The following TMEM9B variants were observed in gnomAD, a reference collection of about 807,000 sequenced individuals.
The protein encoded by TMEM9B is transmembrane protein 9B.
Under a neutral mutation model 23.5 loss-of-function variants are expected in TMEM9B, and 8 were observed. The observed-to-expected ratio is 0.34, with a 90% CI of 0.20 to 0.61. The LOEUF is 0.61. TMEM9B is among the 20% of genes least tolerant of loss of function. The pLI, the probability that TMEM9B is intolerant of heterozygous loss-of-function variation, is 0.78. For missense variants in TMEM9B, 197 were observed against 252.3 expected (o/e 0.78, Z 1.49); for synonymous variants, 106 against 96.3 (o/e 1.10, Z -0.59).
chr11:8,948,242 T>A lies in TMEM9B; in HGVS notation c.*78A>T, dbSNP rs1004874360. 2.7e-5 allele frequency: 40 copies of A among 1,509,090 alleles called. No homozygotes were observed. The highest frequency in any genetic ancestry group is 3.5e-5 in the Non-Finnish European group (39 of 1,122,720). 93.5% of individuals were successfully genotyped at this position (1,509,090 alleles called of 1,614,324 possible). A position where few individuals can be genotyped will look rare whatever the true frequency, so the allele number is the denominator to read the frequency against. ...TGGTGAAATCAACAAGGTATTAAAA[T>A]GAAACCCAGCAAAACCCAGTCAGTT... On this transcript the variant is annotated 3_prime_UTR_variant, in exon 5 of 5. Transcript: ENST00000534025.
chr11:8,964,455 GTCAC>G, upstream of TMEM9B: 1 of 1,422,408 alleles, frequency 7.0e-7, no homozygotes, highest in South Asian at 1.5e-5. Context: ...ACGCGAAGGC[GTCAC>G]CGGGCGCGCC....
At chr11:8,963,739 G>C (rs1295981614) in intron 1 of TMEM9B, among the ~76,000 whole-genome samples, 3 of 152,218 alleles carry the variant, frequency 2.0e-5, no homozygotes, top group African/African-American at 7.2e-5. Flanking sequence ...GAGCTGAGCT[G>C]AGTCGGCCCT....
intron 2 of TMEM9B, among the ~76,000 whole-genome samples, chr11:8,956,755 T>G (rs1479058080): frequency 6.6e-6 from 1 of 152,250 alleles, no homozygotes; most frequent in African/African-American, 2.4e-5. Context: ...GGTCTTGCTC[T>G]GTCACATGGG....
chr11:8,954,261 A>G (rs12281735), intron 3 of TMEM9B, among the ~76,000 whole-genome samples: 4 of 152,046 alleles, frequency 2.6e-5, no homozygotes, highest in Non-Finnish European at 5.9e-5. Flanking sequence ...GTAAATGGGC[A>G]TGAGGGATCT....
Position 8,958,704 on chromosome 11 carries a change from T to C in TMEM9B, c.198-2406A>G, listed in dbSNP as rs183857484. The stretch of plus-strand genomic sequence containing the variant: ...CTCCTGCCTCAGCCTCCCTAGTAGC[T>C]GGGATTACAGGCATGCGCTACCATG... On this transcript the variant is annotated intron_variant, in intron 2 of 4. Transcript: ENST00000534025. Among the ~76,000 whole-genome samples, 495 of 151,356 alleles carry C rather than the reference T, an allele frequency of 3.3e-3. 3 individuals are homozygous for C. The highest frequency in any genetic ancestry group is 0.011 in the African/African-American group (460 of 41,280).
At chr11:8,950,904 C>G (rs757194373) in intron 4 of TMEM9B, among the ~76,000 whole-genome samples, 1 of 152,176 alleles carries the variant, frequency 6.6e-6, no homozygotes, top group Non-Finnish European at 1.5e-5. Context: ...GAACTCACAT[C>G]TTGGATAAGC....
At chr11:8,956,164 G>C (rs1164642224) in intron 3 of TMEM9B, 26 bp downstream of exon 3, 1 of 1,593,968 alleles carries the variant, frequency 6.3e-7, no homozygotes. Context: ...CAGACAGACA[G>C]GTAGATAGAG....
Position 8,957,034 on chromosome 11 carries a change from C to T in TMEM9B, c.198-736G>A, listed in dbSNP as rs1371004297. 6.6e-6 allele frequency among the ~76,000 whole-genome samples: 1 copy of T among 152,206 alleles called. No individual in the cohort carries two copies. Among genetic ancestry groups the T allele is most frequent in the African/African-American group, 2.4e-5 (1 of 41,462 alleles). On this transcript the variant is annotated intron_variant, in intron 2 of 4. Transcript: ENST00000534025. The surrounding 1 kb of genome is among the most constrained non-coding windows in gnomAD (Gnocchi z 4.3). ...CGTGCCCAGCCAACATCATTCTTAA[C>T]TGCCAGTGTGGTGTATGAATGACTA...
intron 3 of TMEM9B, among the ~76,000 whole-genome samples, chr11:8,954,935 G>A (rs934507081): frequency 3.3e-5 from 5 of 152,036 alleles, no homozygotes; most frequent in Admixed American, 6.6e-5. Flanking sequence ...GGTGGACCAC[G>A]AGGTCAGGAG....
chr11:8,962,290 A>G, intron 1 of TMEM9B, 107 bp from the exon 2 acceptor site: 1 of 669,988 alleles, frequency 1.5e-6, no homozygotes, highest in Non-Finnish European at 2.5e-6. Flanking sequence ...AATACCAAGT[A>G]TTCTAAAATC....
chr11:8,948,619 C>T (rs949937341), intron 4 of TMEM9B, 144 bp from the exon 5 acceptor site: 32 of 874,804 alleles, frequency 3.7e-5, no homozygotes, highest in East Asian at 2.2e-4. Context: ...CACTCCTAAG[C>T]GCTCAACTAC....
chr11:8,954,366 T>G (rs189799264), intron 3 of TMEM9B, among the ~76,000 whole-genome samples: 1 of 152,010 alleles, frequency 6.6e-6, no homozygotes, highest in East Asian at 1.9e-4. Context: ...CTCAGCTCAC[T>G]GCAACCTCTG....
At chr11:8,964,563 C>G (rs989807882), upstream of TMEM9B, 5 of 1,129,746 alleles carry the variant, frequency 4.4e-6, no homozygotes, top group African/African-American at 4.9e-5. Context: ...GGCCTAGCCC[C>G]GGCCCCGGGA....
In TMEM9B at chr11:8,964,289, GAAGGCC is replaced by G. The variant is rs1261506160; in HGVS notation, c.19_24del (p.Gly7_Leu8del). ...AGGCTGAGCAAGGAGCCAAGCCGAA[GAAGGCC>G]TCCCCACAGGGTCGCCATCGCTGGG... is the stretch of plus-strand genomic sequence containing the variant. On this transcript the variant is annotated inframe_deletion, in exon 1 of 5. Transcript: ENST00000534025. 1 of 1,591,274 alleles carries G rather than the reference GAAGGCC, an allele frequency of 6.3e-7. No individual in the cohort carries two copies. The highest frequency in any genetic ancestry group is 1.3e-5 in the African/African-American group (1 of 74,440).
rs137889457 is a variant in TMEM9B at position 8,964,293 on chromosome 11, G to T, written c.21C>A (p.Gly7=). The change falls in exon 1 of 5, where the codon GGC becomes GGA. Residue 7 remains glycine, a synonymous_variant. Coordinates refer to ENST00000534025, the MANE Select transcript of TMEM9B (RefSeq NM_020644.3). The part of the protein sequence containing the change: MATLWG[G]LLRLGSLLSL... ...TGAGCAAGGAGCCAAGCCGAAGAAGGCCTCCCCACAGGGTCGCCATCGCTG... is the reference window on the plus strand; with the variant it reads ...TGAGCAAGGAGCCAAGCCGAAGAAGTCCTCCCCACAGGGTCGCCATCGCTG... The T allele has an allele frequency of 3.6e-5, 57 of 1,589,108 alleles. No individual in the cohort carries two copies. The African/African-American group carries it at 6.1e-4, about 17-fold the overall frequency.
chr11:8,959,082 A>G (rs1234056284), intron 2 of TMEM9B, among the ~76,000 whole-genome samples: 2 of 152,212 alleles, frequency 1.3e-5, no homozygotes, highest in South Asian at 2.1e-4. Context: ...AACAGGTGTT[A>G]TCTATCTGAG....
chr11:8,961,192 A>C (rs1000839585), intron 2 of TMEM9B, among the ~76,000 whole-genome samples: 4 of 152,190 alleles, frequency 2.6e-5, no homozygotes, highest in Non-Finnish European at 4.4e-5. Flanking sequence ...AACATACTCA[A>C]AGGCTGCCTT....
chr11:8,953,857 G>C (rs901615656), intron 3 of TMEM9B, among the ~76,000 whole-genome samples: 4 of 152,142 alleles, frequency 2.6e-5, no homozygotes, highest in Non-Finnish European at 4.4e-5. Flanking sequence ...CAACCACTTT[G>C]GGAAACAATC....
chr11:8,961,143 C>T (rs1163768831), intron 2 of TMEM9B, among the ~76,000 whole-genome samples: 2 of 152,094 alleles, frequency 1.3e-5, no homozygotes, highest in Admixed American at 6.6e-5. Context: ...AACCTAAATG[C>T]GTATCAGGGA....
Sources: gnomAD v4.1 joint callset for allele counts (sites outside exome capture counted in the v4.1 genomes callset) on GRCh38, gnomAD v4.1.1 for gene constraint, Gnocchi (gnomAD v3.1) non-coding constraint, MANE v1.5 for transcripts, NCBI Gene and HGNC (gene_info 2026-07-23, HGNC 2026-07-21) for gene names.